The following KMT2C variants were observed in gnomAD, a reference collection of about 807,000 sequenced individuals.
KMT2C encodes the protein histone-lysine N-methyltransferase 2C.
Under a neutral mutation model 507.9 loss-of-function variants are expected in KMT2C, and 88 were observed. That is an observed-to-expected ratio of 0.17 (90% CI 0.15 to 0.21). KMT2C has a LOEUF of 0.21. Among genes scored for constraint, KMT2C ranks in the 10% least tolerant of loss-of-function variants. KMT2C has a pLI of 1.00. For missense variants in KMT2C, 4,954 were observed against 5,957.8 expected (o/e 0.83, Z 5.55); for synonymous variants, 2,049 against 2,080.8 (o/e 0.98, Z 0.42).
At position 152,308,673 on chromosome 7, in the gene KMT2C, C is replaced by CAAAAAAAAAAAAAAAAAAAAAAAA. The variant is rs938826373; in HGVS notation, c.849+1269_849+1292dup. Among the ~76,000 whole-genome samples, 2 of 24,566 alleles carry CAAAAAAAAAAAAAAAAAAAAAAAA rather than the reference C, an allele frequency of 8.1e-5. 1 individual carries two copies. Among genetic ancestry groups the CAAAAAAAAAAAAAAAAAAAAAAAA allele is most frequent in the African/African-American group, 3.0e-4 (2 of 6,730 alleles). The allele number at this position is 24,566 out of a possible 152,430, so 16.1% of individuals were successfully genotyped here. On this transcript the variant is annotated intron_variant, in intron 6 of 58. Transcript: ENST00000262189. ...CTGCACAACACAGCAAAACTCCTCT[C>CAAAAAAAAAAAAAAAAAAAAAAAA]AAAAAAAAAAAAAAAAAAAAAAAAA... is the stretch of plus-strand genomic sequence containing the variant.
chr7:152,273,142 T>C (rs2096009115), intron 7 of KMT2C, among the ~76,000 whole-genome samples: 1 of 152,182 alleles, frequency 6.6e-6, no homozygotes, highest in Non-Finnish European at 1.5e-5. Flanking sequence ...TTCATTGAAT[T>C]ATAAAATACT....
chr7:152,162,669 G>T lies in KMT2C; in HGVS notation c.10908C>A (p.Gly3636=), dbSNP rs750280670. The T allele has an allele frequency of 1.7e-5, 27 of 1,614,112 alleles. 1 individual carries two copies. In the South Asian group the frequency reaches 2.3e-4, roughly 14 times the overall value. ...HSDITAPPTP[G]ISETTSTPAV... ...CAGGAGTAGAGGTAGTTTCTGAGAT[G>T]CCTGGAGTCGGTGGGGCAGTTATAT... Residue 3636 remains glycine (G), a synonymous_variant, in exon 43 of 59, where the codon GGC becomes GGA. Coordinates refer to ENST00000262189, the MANE Select transcript of KMT2C (RefSeq NM_170606.3).
At chr7:152,166,647 T>C (rs556975157) in intron 42 of KMT2C, among the ~76,000 whole-genome samples, 17 of 152,278 alleles carry the variant, frequency 1.1e-4, no homozygotes, top group Non-Finnish European at 1.5e-4. Flanking sequence ...GACATACCAA[T>C]GTATTTTAAG....
chr7:152,358,479 T>A (rs1328846481), intron 2 of KMT2C, 108 bp downstream of exon 2: 1 of 701,296 alleles, frequency 1.4e-6, no homozygotes, highest in East Asian at 2.7e-5. Flanking sequence ...GAGTTCAGTA[T>A]AAAAACAAAT....
intron 3 of KMT2C, among the ~76,000 whole-genome samples, chr7:152,315,929 G>A (rs2129203167): frequency 6.6e-6 from 1 of 152,132 alleles, no homozygotes; most frequent in East Asian, 1.9e-4. Context: ...CAAAAAAAAT[G>A]CAAGTTAAAA....
chr7:152,217,312 T>G (rs183680125), intron 23 of KMT2C, among the ~76,000 whole-genome samples: 1 of 152,244 alleles, frequency 6.6e-6, no homozygotes, highest in Non-Finnish European at 1.5e-5. Context: ...TGTGTGTACA[T>G]GTAGTTTCAG....
At chr7:152,208,524 T>G (rs1045701236) in intron 23 of KMT2C, among the ~76,000 whole-genome samples, 1 of 152,224 alleles carries the variant, frequency 6.6e-6, no homozygotes, top group Non-Finnish European at 1.5e-5. Context: ...ACAGATGTAT[T>G]GTTAGTAGGA....
chr7:152,259,448 A>G (rs200888221), intron 9 of KMT2C, among the ~76,000 whole-genome samples: 11,523 of 57,210 alleles, frequency 0.2, 686 homozygotes, highest in African/African-American at 0.4. Context: ...ACACACGCGC[A>G]CACACACACA....
chr7:152,235,042 T>C (rs1210326987), intron 16 of KMT2C, among the ~76,000 whole-genome samples: 4 of 152,120 alleles, frequency 2.6e-5, no homozygotes, highest in African/African-American at 7.2e-5. Flanking sequence ...CCAAAAAGTG[T>C]ACAGTTCTGT....
rs1300849510 is a variant in KMT2C, at chr7:152,330,615, T to C, written c.375A>G (p.Val125=). ...ESANSLVSVG[V]EAKISEQLCA... Reference sequence around the variant, plus strand: ...CATTCTCTAACCTGATTTTGGCTTCTACACCAACAGAGACCAGGGAGTTTG... The same window carrying C: ...CATTCTCTAACCTGATTTTGGCTTCCACACCAACAGAGACCAGGGAGTTTG... Residue 125 remains valine (V), a synonymous_variant, in exon 3 of 59, where the codon GTA becomes GTG. Coordinates refer to ENST00000262189, the MANE Select transcript of KMT2C (RefSeq NM_170606.3). The C allele has an allele frequency of 6.2e-7, 1 of 1,614,202 alleles. No individual in the cohort carries two copies. Among genetic ancestry groups the C allele is most frequent in the East Asian group, 2.2e-5 (1 of 44,888 alleles).
intron 1 of KMT2C, among the ~76,000 whole-genome samples, chr7:152,364,770 A>G (rs563693582): frequency 1.3e-5 from 2 of 152,300 alleles, no homozygotes; most frequent in African/African-American, 2.4e-5. Context: ...ACACAGCTAC[A>G]GTGCCCTGTG....
intron 40 of KMT2C, among the ~76,000 whole-genome samples, chr7:152,170,448 C>T (rs1360609714): frequency 2.0e-5 from 3 of 152,022 alleles, no homozygotes; most frequent in Non-Finnish European, 4.4e-5. Context: ...GCATATCTTT[C>T]AACAAGGATG....
chr7:152,143,201 G>C (rs1204261449), intron 55 of KMT2C, among the ~76,000 whole-genome samples: 2 of 152,212 alleles, frequency 1.3e-5, no homozygotes, highest in Non-Finnish European at 2.9e-5. Flanking sequence ...GAATCCGAGA[G>C]AGGCTCAACA....
intron 45 of KMT2C, 44 bp downstream of exon 45, chr7:152,156,161 G>A (rs371404666): frequency 1.9e-6 from 3 of 1,604,158 alleles, no homozygotes; most frequent in Non-Finnish European, 2.6e-6. Context: ...AACTGGCAGA[G>A]GCACATTTCT....
intron 2 of KMT2C, among the ~76,000 whole-genome samples, chr7:152,346,969 T>C (rs1304345483): frequency 6.6e-6 from 1 of 151,924 alleles, no homozygotes; most frequent in African/African-American, 2.4e-5. Context: ...CTACTAAAGA[T>C]ACAAAAACTT....
chr7:152,359,839 A>C (rs1307687230), intron 1 of KMT2C, among the ~76,000 whole-genome samples: 1 of 151,960 alleles, frequency 6.6e-6, no homozygotes, highest in Non-Finnish European at 1.5e-5. Context: ...ACCTGAGGTC[A>C]GGAGGTCACG....
At chr7:152,289,766 A>G (rs1563739363) in intron 6 of KMT2C, among the ~76,000 whole-genome samples, 1 of 152,172 alleles carries the variant, frequency 6.6e-6, no homozygotes, top group African/African-American at 2.4e-5. Flanking sequence ...TTTGTTATTT[A>G]TTAAAAATGT....
intron 3 of KMT2C, among the ~76,000 whole-genome samples, chr7:152,322,090 A>G (rs1027047164): frequency 3.3e-5 from 5 of 151,516 alleles, no homozygotes; most frequent in African/African-American, 1.2e-4. Context: ...CTGGACAGGC[A>G]TGGTGGTTCA....
At chr7:152,247,463 C>T (rs574233444) in intron 14 of KMT2C, among the ~76,000 whole-genome samples, 29 of 152,312 alleles carry the variant, frequency 1.9e-4, no homozygotes, top group Non-Finnish European at 3.5e-4. Flanking sequence ...ATGGAAAATT[C>T]CTGTCATAAA....
Sources: gnomAD v4.1 joint callset for allele counts (sites outside exome capture counted in the v4.1 genomes callset) on GRCh38, gnomAD v4.1.1 for gene constraint, MANE v1.5 for transcripts, NCBI Gene and HGNC (gene_info 2026-07-23, HGNC 2026-07-21) for gene names.